The following LCK variants were observed in gnomAD, a reference collection of about 807,000 sequenced individuals.
LCK encodes tyrosine-protein kinase Lck.
A neutral mutation model predicts 64.6 loss-of-function variants in LCK; 14 were observed. The ratio of observed to expected loss-of-function variants is 0.22; its 90% confidence interval spans 0.14 to 0.34. The LOEUF is 0.34. Among genes scored for constraint, LCK ranks in the 10% least tolerant of loss-of-function variants. LCK has a pLI of 1.00. For missense variants in LCK, 434 were observed against 668.1 expected, an observed-to-expected ratio of 0.65 and a Z score of 3.86; for synonymous variants, 277 against 263.6, an observed-to-expected ratio of 1.05 and a Z score of -0.49.
Position 32,276,453 on chromosome 1 carries a change from C to A in LCK, c.748C>A (p.Arg250=). 6.2e-7 allele frequency: 1 copy of A among 1,612,470 alleles called. No individual in the cohort carries two copies. ...CAGGGAGACGCTGAAGCTGGTGGAGCGGCTGGGGGCTGGACAGTTCGGGGA... is the reference window on the plus strand; with the variant it reads ...CAGGGAGACGCTGAAGCTGGTGGAGAGGCTGGGGGCTGGACAGTTCGGGGA... The part of the protein sequence containing the change: ...VPRETLKLVE[R]LGAGQFGEVW... Residue 250 remains arginine, a synonymous_variant, in exon 8 of 13, where the codon CGG becomes AGG. Coordinates refer to ENST00000336890, the MANE Select transcript of LCK (RefSeq NM_005356.5). This position sits in a 1 kb window ranked among gnomAD's most constrained non-coding sequence, Gnocchi z 4.6.
chr1:32,255,187 G>A (rs981312574), intron 1 of LCK, among the ~76,000 whole-genome samples: 4 of 152,104 alleles, frequency 2.6e-5, no homozygotes, highest in Admixed American at 6.5e-5. Context: ...CTGGCAGACC[G>A]GGACTCACTT....
rs569874035 is a variant in LCK at position 32,268,407 on chromosome 1, G to A, written c.-5-5918G>A. 3.4e-3 allele frequency among the ~76,000 whole-genome samples: 512 copies of A among 151,508 alleles called. 3 individuals carry two copies. The highest frequency in any genetic ancestry group is 4.9e-3 in the Non-Finnish European group (332 of 67,874). On this transcript the variant is annotated intron_variant, in intron 1 of 12. Coordinates refer to ENST00000336890, the MANE Select transcript of LCK (RefSeq NM_005356.5). ...AGCTCACTGTGGCCTTGAACTCCTG[G>A]GCTCAAGTGATCCTCCTGCCTCAGC...
intron 12 of LCK, among the ~76,000 whole-genome samples, chr1:32,281,270 CAA>C (rs780514570): frequency 3.3e-5 from 3 of 92,282 alleles, no homozygotes; most frequent in Non-Finnish European, 4.8e-5. Flanking sequence ...TCCATCTCTA[CAA>C]AAAAAAAAAA....
At chr1:32,255,163 C>T (rs1639599462) in intron 1 of LCK, among the ~76,000 whole-genome samples, 1 of 152,094 alleles carries the variant, frequency 6.6e-6, no homozygotes, top group Admixed American at 6.6e-5. Context: ...GAGGTTAAGT[C>T]TAGTCTCTGC....
chr1:32,265,139 C>T (rs1251240195), intron 1 of LCK, among the ~76,000 whole-genome samples: 9 of 151,140 alleles, frequency 6.0e-5, no homozygotes, highest in African/African-American at 1.7e-4. Context: ...GCCAAGATTG[C>T]GCCACTGCAC....
At chr1:32,267,587 C>T (rs1639957337) in intron 1 of LCK, among the ~76,000 whole-genome samples, 1 of 151,988 alleles carries the variant, frequency 6.6e-6, no homozygotes, top group Admixed American at 6.6e-5. Flanking sequence ...ATGGTGAAAC[C>T]CTGTCTCTAC....
chr1:32,266,511 A>T (rs545757542), intron 1 of LCK, among the ~76,000 whole-genome samples: 1 of 150,070 alleles, frequency 6.7e-6, no homozygotes, highest in Admixed American at 6.6e-5. Context: ...CAAAAAAAAA[A>T]AAAAAAAAGA....
intron 1 of LCK, among the ~76,000 whole-genome samples, chr1:32,253,339 G>A (rs2124297879): frequency 6.6e-6 from 1 of 152,270 alleles, no homozygotes; most frequent in East Asian, 1.9e-4. Context: ...TCCAGCCTAG[G>A]CAACAGAGCG....
In LCK at chr1:32,282,800, C is replaced by T. The variant is rs564083882; in HGVS notation, c.1327+2590C>T. Among the ~76,000 whole-genome samples, 215 of 150,182 alleles carry T rather than the reference C, an allele frequency of 1.4e-3. 2 individuals are homozygous for T. The highest frequency in any genetic ancestry group is 5.2e-3 in the African/African-American group (212 of 40,954). On this transcript the variant is annotated intron_variant, in intron 12 of 12. Coordinates refer to ENST00000336890, the MANE Select transcript of LCK (RefSeq NM_005356.5). ...CAGCCTGGGTGACAGAGTGAGAGTC[C>T]ATCTCAAAAATAAATATAAATAAAT...
At chr1:32,267,903 A>G (rs1639966680) in intron 1 of LCK, among the ~76,000 whole-genome samples, 1 of 143,890 alleles carries the variant, frequency 6.9e-6, no homozygotes, top group African/African-American at 2.6e-5. Flanking sequence ...TCAAAAAATA[A>G]TAATAATAAG....
intron 1 of LCK, among the ~76,000 whole-genome samples, chr1:32,269,916 G>A (rs544704433): frequency 6.6e-6 from 1 of 152,226 alleles, no homozygotes; most frequent in South Asian, 2.1e-4. Flanking sequence ...AATGGATGAA[G>A]AGCCCCATTT....
intron 1 of LCK, among the ~76,000 whole-genome samples, chr1:32,270,985 A>G (rs1474568281): frequency 2.7e-5 from 4 of 145,494 alleles, no homozygotes; most frequent in Admixed American, 6.9e-5. Context: ...TACAGGTGTG[A>G]GCCACCGCGC....
chr1:32,268,453 T>C (rs1219366605), intron 1 of LCK, among the ~76,000 whole-genome samples: 1 of 151,472 alleles, frequency 6.6e-6, no homozygotes, highest in Non-Finnish European at 1.5e-5. Context: ...CCTGGGATTA[T>C]AGGCATGCAC....
intron 1 of LCK, among the ~76,000 whole-genome samples, chr1:32,257,869 C>T (rs1297401302): frequency 2.0e-5 from 3 of 152,026 alleles, no homozygotes; most frequent in Non-Finnish European, 4.4e-5. Context: ...ACTTGACTAG[C>T]AGAATCAGTT....
intron 1 of LCK, among the ~76,000 whole-genome samples, chr1:32,267,963 G>C (rs1401034155): frequency 1.3e-5 from 2 of 152,070 alleles, no homozygotes; most frequent in Admixed American, 1.3e-4. Context: ...GGGAGGCCGA[G>C]GCAGGAGGAT....
At chr1:32,274,965 T>A in intron 3 of LCK, 28 bp from the exon 4 acceptor site, 1 of 1,614,158 alleles carries the variant, frequency 6.2e-7, no homozygotes, top group Non-Finnish European at 8.5e-7. Flanking sequence ...CCCAGCTCGG[T>A]TCTCCCTGAT....
intron 1 of LCK, among the ~76,000 whole-genome samples, chr1:32,264,426 G>T (rs543477756): frequency 2.6e-5 from 4 of 152,130 alleles, no homozygotes; most frequent in African/African-American, 9.6e-5. Flanking sequence ...GGAGGCTGAG[G>T]TGGGAGAAGC....
chr1:32,258,301 A>G (rs542089326), intron 1 of LCK, among the ~76,000 whole-genome samples: 11 of 150,548 alleles, frequency 7.3e-5, no homozygotes, highest in East Asian at 3.9e-4. Flanking sequence ...AAAAAAAAAA[A>G]AGAGAGAGAG....
Position 32,274,416 on chromosome 1 carries a change from A to G in LCK, c.87A>G (p.Pro29=). The G allele has an allele frequency of 2.5e-6, 4 of 1,613,034 alleles. No homozygotes were observed. The highest frequency in any genetic ancestry group is 3.4e-6 in the Non-Finnish European group (4 of 1,179,446). Residue 29 remains proline (P), a synonymous_variant, in exon 2 of 13, where the codon CCA becomes CCG. Coordinates refer to ENST00000336890, the MANE Select transcript of LCK (RefSeq NM_005356.5). The part of the protein sequence containing the change: ...VCENCHYPIV[P]LDGKGTLLIR... The stretch of plus-strand genomic sequence containing the variant: ...AGAACTGCCATTATCCCATAGTCCC[A>G]CTGGATGGCAAGGGCACGGTAAGAG...
Sources: gnomAD v4.1 joint callset for allele counts (sites outside exome capture counted in the v4.1 genomes callset) on GRCh38, gnomAD v4.1.1 for gene constraint, Gnocchi (gnomAD v3.1) non-coding constraint, MANE v1.5 for transcripts, NCBI Gene and HGNC (gene_info 2026-07-23, HGNC 2026-07-21) for gene names.